EVX1: variants seen among roughly 807,000 people sequenced by gnomAD.
EVX1 encodes homeobox even-skipped homolog protein 1.
A neutral mutation model predicts 28.6 loss-of-function variants in EVX1; 19 were observed. The ratio of observed to expected loss-of-function variants is 0.67; its 90% CI spans 0.46 to 0.98. EVX1 has a LOEUF of 0.98. EVX1 is among the 50% of genes least tolerant of loss of function. EVX1 has a pLI of 0.00. For missense variants in EVX1, 660 were observed against 583.0 expected (o/e 1.13, Z -1.36); for synonymous variants, 324 against 278.2 (o/e 1.16, Z -1.64).
At chr7:27,244,926 C>T in intron 1 of EVX1, 122 bp from the exon 2 acceptor site, 12 of 1,434,056 alleles carry the variant, frequency 8.4e-6, no homozygotes, top group Non-Finnish European at 1.1e-5. Context: ...GAAACAGTTA[C>T]TGAGGTGGCT....
rs935735355 is a variant in EVX1, at chr7:27,246,494, GCCTCGCTCCTCGCT to G, written c.*83_*96del. The G allele has an allele frequency of 8.2e-6, 12 of 1,470,552 alleles. No homozygotes were observed. Among genetic ancestry groups the G allele is most frequent in the South Asian group, 1.2e-5 (1 of 81,940 alleles). 91.1% of individuals were successfully genotyped at this position (1,470,552 alleles called of 1,614,324 possible). A position where few individuals can be genotyped will look rare whatever the true frequency, so the allele number is the denominator to read the frequency against. ...ACCCCCCGGCCCCGGGACTCAGCCA[GCCTCGCTCCTCGCT>G]CCTCGCTCCTCGCCCCTAGGACGCC... On this transcript the variant is annotated 3_prime_UTR_variant, in exon 3 of 3. Coordinates refer to ENST00000496902, the MANE Select transcript of EVX1 (RefSeq NM_001989.5).
rs764066330 is a variant in EVX1, at chr7:27,246,167, G to T, written c.966G>T (p.Leu322=). 3 of 1,494,840 alleles carry T rather than the reference G, an allele frequency of 2.0e-6. No individual in the cohort carries two copies. The highest frequency in any genetic ancestry group is 2.5e-5 in the South Asian group (2 of 78,934). 92.6% of individuals were successfully genotyped at this position (1,494,840 alleles called of 1,614,324 possible). ...CGCAGCCCTACCCGCGGCCCGAACT[G>T]CTGTGCGCCTTCCGCCACCCGCCGC... is the stretch of plus-strand genomic sequence containing the variant. The part of the protein sequence containing the change: ...VLSQPYPRPE[L]LCAFRHPPLY... Residue 322 remains leucine, a synonymous_variant, in exon 3 of 3, where the codon CTG becomes CTT. Transcript: ENST00000496902.
Position 27,246,085 on chromosome 7 carries a change from C to T in EVX1, c.884C>T (p.Ala295Val). The T allele has an allele frequency of 6.4e-7, 1 of 1,570,202 alleles. No homozygotes were observed. Among genetic ancestry groups the T allele is most frequent in the African/African-American group, 1.4e-5 (1 of 72,656 alleles). The change falls in exon 3 of 3, where the codon GCC becomes GTC. Residue 295 changes from alanine to valine, a missense_variant. Physicochemically the swap from Ala to Val is moderately conservative, Grantham distance 64 (BLOSUM62 0). Around this residue, in one of 3 missense-constraint regions of EVX1, gnomAD observed 299 missense variants for 241.3 expected, o/e 1.24. Transcript: ENST00000496902. The stretch of plus-strand genomic sequence containing the variant: ...CTGGGCGCCGCATCCGCCGCCTCCG[C>T]CGCCGCCTCGCCCTTCAGCGGCTCG... Reference protein sequence around the residue: ...VGLGAASAASAAASPFSGSLR... With the variant: ...VGLGAASAASVAASPFSGSLR...
At position 27,246,494 on chromosome 7, in the gene EVX1, G is replaced by GCCTCGCTCCTCGCT. The variant is rs935735355; in HGVS notation, c.*83_*96dup. On this transcript the variant is annotated 3_prime_UTR_variant, in exon 3 of 3. Transcript: ENST00000496902. ...ACCCCCCGGCCCCGGGACTCAGCCAGCCTCGCTCCTCGCTCCTCGCTCCTC... is the reference window on the plus strand; with the variant it reads ...ACCCCCCGGCCCCGGGACTCAGCCAGCCTCGCTCCTCGCTCCTCGCTCCTCGCTCCTCGCTCCTC... 1.4e-6 allele frequency: 2 copies of GCCTCGCTCCTCGCT among 1,470,554 alleles called. No individual in the cohort carries two copies. The highest frequency in any genetic ancestry group is 1.4e-5 in the African/African-American group (1 of 69,830). 91.1% of individuals were successfully genotyped at this position (1,470,554 alleles called of 1,614,324 possible). A position where few individuals can be genotyped will look rare whatever the true frequency, so the allele number is the denominator to read the frequency against.
Position 27,246,733 on chromosome 7 carries a change from A to C in EVX1, c.*308A>C. The C allele has an allele frequency of 4.9e-6, 2 of 411,900 alleles. No individual in the cohort carries two copies. Among genetic ancestry groups the C allele is most frequent in the Non-Finnish European group, 8.6e-6 (2 of 231,814 alleles). The allele number at this position is 411,900 out of a possible 1,614,324, so 25.5% of individuals were successfully genotyped here. ...GAGGCTGTAGCTCCAAAGCTAAACA[A>C]AACTTAGCAGCAACAGCAACCAATA... On this transcript the variant is annotated 3_prime_UTR_variant, in exon 3 of 3. Transcript: ENST00000496902.
Position 27,245,778 on chromosome 7 carries a change from T to C in EVX1, c.685-108T>C. The C allele has an allele frequency of 2.1e-6, 3 of 1,438,836 alleles. No individual in the cohort carries two copies. The South Asian group carries it at 4.2e-5, about 20-fold the overall frequency. The allele number at this position is 1,438,836 out of a possible 1,614,324, so 89.1% of individuals were successfully genotyped here. Reference sequence around the variant, plus strand: ...GGTCTCTACCCGGCTGGTGTCTGCTTTGGCTGTTCCTGCCCTGCGAACACT... The same window carrying C: ...GGTCTCTACCCGGCTGGTGTCTGCTCTGGCTGTTCCTGCCCTGCGAACACT... On this transcript the variant is annotated intron_variant, in intron 2 of 2. Coordinates refer to ENST00000496902, the MANE Select transcript of EVX1 (RefSeq NM_001989.5).
Position 27,246,288 on chromosome 7 carries a change from CG to C in EVX1, c.1090del (p.Ala364LeufsTer102). On this transcript the variant is annotated frameshift_variant, in exon 3 of 3. Transcript: ENST00000496902. LOFTEE classifies it high-confidence loss of function. The part of the protein sequence containing the change: ...HSGPANGLAP[R>X]AAAASDFTCA... ...CGGCCCGGCCAACGGGCTGGCGCCC[CG>C]GGCTGCCGCCGCCTCGGACTTCACC... 1 of 1,580,952 alleles carries C rather than the reference CG, an allele frequency of 6.3e-7. No homozygotes were observed. The highest frequency in any genetic ancestry group is 8.5e-7 in the Non-Finnish European group (1 of 1,171,000).
In EVX1 at chr7:27,245,230, C is replaced by T. The variant is rs766687339; in HGVS notation, c.610C>T (p.Arg204Trp). 1.9e-6 allele frequency: 3 copies of T among 1,613,626 alleles called. No individual in the cohort carries two copies. Among genetic ancestry groups the T allele is most frequent in the East Asian group, 4.5e-5 (2 of 44,884 alleles). Residue 204 changes from arginine (R) to tryptophan (W), a missense_variant, in exon 2 of 3, where the codon CGG becomes TGG. Physicochemically the swap from Arg to Trp is moderately radical, Grantham distance 101 (BLOSUM62 -3). This residue lies in a region of EVX1 where 53 missense variants were observed against 85.1 expected (regional missense o/e 0.62). Transcript: ENST00000496902. Reference protein sequence around the residue: ...QIARLEKEFYRENYVSRPRRC... With the variant: ...QIARLEKEFYWENYVSRPRRC... Reference sequence around the variant, plus strand: ...TGCGCGGCTGGAGAAGGAATTCTACCGGGAGAACTACGTATCCAGGCCGCG... The same window carrying T: ...TGCGCGGCTGGAGAAGGAATTCTACTGGGAGAACTACGTATCCAGGCCGCG...
chr7:27,245,971 C>G lies in EVX1; in HGVS notation c.770C>G (p.Thr257Ser). The change falls in exon 3 of 3, where the codon ACT (threonine) becomes AGT (serine). Residue 257 changes from threonine (T) to serine (S), a missense_variant. Physicochemically the swap from Thr to Ser is moderately conservative, Grantham distance 58 (BLOSUM62 1). Around this residue, in one of 3 missense-constraint regions of EVX1, gnomAD observed 299 missense variants for 241.3 expected, o/e 1.24. Coordinates refer to ENST00000496902, the MANE Select transcript of EVX1 (RefSeq NM_001989.5). ...WPHPADPAFY[T>S]YMMSHAAAAG... Reference sequence around the variant, plus strand: ...CACCCGGCGGACCCCGCCTTCTACACTTACATGATGAGCCATGCGGCGGCC... The same window carrying G: ...CACCCGGCGGACCCCGCCTTCTACAGTTACATGATGAGCCATGCGGCGGCC... The G allele has an allele frequency of 6.2e-7, 1 of 1,607,524 alleles. No homozygotes were observed. The highest frequency in any genetic ancestry group is 8.5e-7 in the Non-Finnish European group (1 of 1,179,836).
Position 27,247,519 on chromosome 7 carries a change from C to A in EVX1, c.*1094C>A, listed in dbSNP as rs984268186. The A allele has an allele frequency of 2.0e-5, 3 of 152,226 alleles. No individual in the cohort carries two copies. Among genetic ancestry groups the A allele is most frequent in the African/African-American group, 7.2e-5 (3 of 41,450 alleles). The allele number at this position is 152,226 out of a possible 1,614,324, so 9.4% of individuals were successfully genotyped here. Reference sequence around the variant, plus strand: ...TTTCTCTCATTTTCTTCCCAAGCTACCACTGGAGCTTGACTTTCAGATACC... The same window carrying A: ...TTTCTCTCATTTTCTTCCCAAGCTAACACTGGAGCTTGACTTTCAGATACC... On this transcript the variant is annotated 3_prime_UTR_variant, in exon 3 of 3. Transcript: ENST00000496902.
rs1274834934 is a variant in EVX1 at position 27,245,138 on chromosome 7, G to A, written c.518G>A (p.Gly173Asp). ...GGCAGTGGTGGGGGCGGCTCGCAAG[G>A]CACCCTGGCGTGCAGCGCCAGTGAC... is the stretch of plus-strand genomic sequence containing the variant. Reference protein sequence around the residue: ...NGGSGGGGSQGTLACSASDQM... With the variant: ...NGGSGGGGSQDTLACSASDQM... The change falls in exon 2 of 3, where the codon GGC (glycine) becomes GAC (aspartate). Residue 173 changes from glycine (G) to aspartate (D), a missense_variant. By Grantham distance (94) the Gly-to-Asp change is moderately conservative. Around this residue, in one of 3 missense-constraint regions of EVX1, gnomAD observed 308 missense variants for 256.6 expected, o/e 1.20. Transcript: ENST00000496902. 6.2e-7 allele frequency: 1 copy of A among 1,613,110 alleles called. No individual in the cohort carries two copies. The highest frequency in any genetic ancestry group is 8.5e-7 in the Non-Finnish European group (1 of 1,179,984).
rs1783197269 is a variant in EVX1, at chr7:27,246,515, T to C, written c.*90T>C. On this transcript the variant is annotated 3_prime_UTR_variant, in exon 3 of 3. Coordinates refer to ENST00000496902, the MANE Select transcript of EVX1 (RefSeq NM_001989.5). Reference sequence around the variant, plus strand: ...GCCAGCCTCGCTCCTCGCTCCTCGCTCCTCGCCCCTAGGACGCCAAGGGGG... The same window carrying C: ...GCCAGCCTCGCTCCTCGCTCCTCGCCCCTCGCCCCTAGGACGCCAAGGGGG... The C allele has an allele frequency of 7.6e-7, 1 of 1,317,106 alleles. No homozygotes were observed. Among genetic ancestry groups the C allele is most frequent in the Non-Finnish European group, 1.0e-6 (1 of 963,736 alleles). The allele number at this position is 1,317,106 out of a possible 1,614,324, so 81.6% of individuals were successfully genotyped here.
At position 27,246,535 on chromosome 7, in the gene EVX1, A is replaced by G. The variant is rs1783197917; in HGVS notation, c.*110A>G. 2.6e-6 allele frequency: 3 copies of G among 1,145,358 alleles called. No homozygotes were observed. The highest frequency in any genetic ancestry group is 2.4e-6 in the Non-Finnish European group (2 of 822,008). 70.9% of individuals were successfully genotyped at this position (1,145,358 alleles called of 1,614,324 possible). ...CTCGCTCCTCGCCCCTAGGACGCCA[A>G]GGGGGAAAGGAGAGGGCGGAAAAGG... On this transcript the variant is annotated 3_prime_UTR_variant, in exon 3 of 3. Coordinates refer to ENST00000496902, the MANE Select transcript of EVX1 (RefSeq NM_001989.5).
At position 27,243,630 on chromosome 7, in the gene EVX1, C is replaced by T. The variant is rs554686812; in HGVS notation, c.427+173C>T. The stretch of plus-strand genomic sequence containing the variant: ...GCGGGGGTCTCCTACTGTGTTCTGG[C>T]ATTGGCGGGACTGAGGGTGACAGCA... On this transcript the variant is annotated intron_variant, in intron 1 of 2. Coordinates refer to ENST00000496902, the MANE Select transcript of EVX1 (RefSeq NM_001989.5). The T allele has an allele frequency of 1.5e-4, 105 of 700,822 alleles. No individual in the cohort carries two copies. In the African/African-American group the frequency reaches 1.9e-3, roughly 13 times the overall value. The allele number at this position is 700,822 out of a possible 1,614,324, so 43.4% of individuals were successfully genotyped here.
intron 2 of EVX1, among the ~76,000 whole-genome samples, chr7:27,245,510 G>T (rs1783147146): frequency 1.3e-5 from 2 of 152,240 alleles, no homozygotes; most frequent in Admixed American, 1.3e-4. Flanking sequence ...AATAGACAAG[G>T]GGTGGGCGTG....
At chr7:27,245,793 C>T in intron 2 of EVX1, 93 bp from the exon 3 acceptor site, 1 of 1,494,688 alleles carries the variant, frequency 6.7e-7, no homozygotes, top group East Asian at 2.4e-5. Context: ...TGTTCCTGCC[C>T]TGCGAACACT....
At position 27,246,102 on chromosome 7, in the gene EVX1, A is replaced by G. The variant is rs765120371; in HGVS notation, c.901A>G (p.Ser301Gly). 1.3e-6 allele frequency: 2 copies of G among 1,555,408 alleles called. No homozygotes were observed. The highest frequency in any genetic ancestry group is 1.2e-5 in the South Asian group (1 of 86,064). Residue 301 changes from serine (S) to glycine (G), a missense_variant, in exon 3 of 3, where the codon AGC becomes GGC. Ser to Gly is a moderately conservative substitution (Grantham distance 56, BLOSUM62 0). Around this residue, in one of 3 missense-constraint regions of EVX1, gnomAD observed 299 missense variants for 241.3 expected, o/e 1.24. Transcript: ENST00000496902. ...SAASAAASPF[S>G]GSLRPLDTFR... ...CGCCTCCGCCGCCGCCTCGCCCTTC[A>G]GCGGCTCGCTGCGCCCGCTCGACAC...
In EVX1 at chr7:27,242,826, G is replaced by C; in HGVS notation, c.-205G>C. Reference sequence around the variant, plus strand: ...CAGAGGCGGTGCGGCACAGAGGAGCGCTCGCTTCACAAGGTGACCCTAGCT... The same window carrying C: ...CAGAGGCGGTGCGGCACAGAGGAGCCCTCGCTTCACAAGGTGACCCTAGCT... On this transcript the variant is annotated 5_prime_UTR_variant, in exon 1 of 3. Transcript: ENST00000496902. 1.8e-6 allele frequency: 1 copy of C among 559,062 alleles called. No individual in the cohort carries two copies. Among genetic ancestry groups the C allele is most frequent in the Non-Finnish European group, 3.1e-6 (1 of 325,030 alleles). 34.6% of individuals were successfully genotyped at this position (559,062 alleles called of 1,614,324 possible). A position where few individuals can be genotyped will look rare whatever the true frequency, so the allele number is the denominator to read the frequency against.
In EVX1 at chr7:27,246,788, C is replaced by G. The variant is rs545837351; in HGVS notation, c.*363C>G. The stretch of plus-strand genomic sequence containing the variant: ...GTCCCTCGGCCCCTCGGCCCCTCAC[C>G]CTCCACCTCACACTCCCTTCTCACC... On this transcript the variant is annotated 3_prime_UTR_variant, in exon 3 of 3. Transcript: ENST00000496902. 62 of 319,238 alleles carry G rather than the reference C, an allele frequency of 1.9e-4. No homozygotes were observed. The South Asian group carries it at 2.3e-3, about 12-fold the overall frequency. The allele number at this position is 319,238 out of a possible 1,614,324, so 19.8% of individuals were successfully genotyped here.
Sources: gnomAD v4.1 joint callset for allele counts (sites outside exome capture counted in the v4.1 genomes callset) on GRCh38, gnomAD v4.1.1 for gene constraint, gnomAD v4.1.1 regional missense constraint, MANE v1.5 for transcripts, NCBI Gene and HGNC (gene_info 2026-07-23, HGNC 2026-07-21) for gene names.